Variants in ZNF469 observed in about 807,000 individuals in gnomAD.
ZNF469 encodes the protein zinc finger protein 469.
In ZNF469, 1 loss-of-function variant was observed where a neutral mutation model predicts 1.0. The ratio of observed to expected loss-of-function variants is 1.00; its 90% CI spans 0.35 to 4.73. The LOEUF (loss-of-function observed/expected upper bound fraction) is 4.73. Ranked by LOEUF, ZNF469 falls within the 30% of genes most tolerant of loss-of-function variation. The probability of loss-of-function intolerance (pLI) is 0.16; values close to 1 mark genes in which losing one functional copy is unlikely to be tolerated. For missense variants in ZNF469, 6,100 were observed against 5,356.3 expected (o/e 1.14, Z -4.33); for synonymous variants, 2,703 against 2,363.4 (o/e 1.14, Z -4.17).
the ZNF469 span, among the ~76,000 whole-genome samples, chr16:88,124,059 T>G: frequency 6.6e-6 from 1 of 152,240 alleles, no homozygotes; most frequent in East Asian, 1.9e-4. Context: ...TGCCTCGGCC[T>G]CCCAAAGTGC....
the ZNF469 span, among the ~76,000 whole-genome samples, chr16:88,203,048 G>C: frequency 3.2e-4 from 49 of 152,308 alleles, no homozygotes; most frequent in African/African-American, 1.2e-3. Flanking sequence ...ATCGGAGCGG[G>C]GGCGGGGGCC....
the ZNF469 span, among the ~76,000 whole-genome samples, chr16:88,105,282 C>A: frequency 6.9e-6 from 1 of 144,738 alleles, no homozygotes; most frequent in Non-Finnish European, 1.5e-5. Flanking sequence ...ACACATACAG[C>A]ATTTTCTTTT....
chr16:88,363,832 CGTT>C, the ZNF469 span, among the ~76,000 whole-genome samples: 2 of 152,272 alleles, frequency 1.3e-5, no homozygotes, highest in South Asian at 4.1e-4. Context: ...ACCTCTGAGT[CGTT>C]GTTTTCTGGT....
At chr16:88,104,148 G>A in the ZNF469 span, among the ~76,000 whole-genome samples, 2 of 151,760 alleles carry the variant, frequency 1.3e-5, no homozygotes. Context: ...CATCAGAGAG[G>A]TTAAGACACT....
chr16:88,180,122 C>T, the ZNF469 span, among the ~76,000 whole-genome samples: 1 of 75,110 alleles, frequency 1.3e-5, no homozygotes, highest in East Asian at 3.4e-4. Context: ...TTGGCTTTCA[C>T]TTTAAAAAAA....
the ZNF469 span, among the ~76,000 whole-genome samples, chr16:88,185,972 C>T: frequency 2.6e-5 from 4 of 151,470 alleles, no homozygotes; most frequent in African/African-American, 7.3e-5. Context: ...CATACACACT[C>T]GTGCCCAGAC....
chr16:88,256,803 A>T, the ZNF469 span, among the ~76,000 whole-genome samples: 146 of 151,814 alleles, frequency 9.6e-4, no homozygotes, highest in African/African-American at 3.4e-3. Context: ...TTCCCTGATG[A>T]CATGTGTGGT....
rs1448760217 is a variant in ZNF469, at chr16:88,432,104, A to G, written c.4634A>G (p.Lys1545Arg). ...VPGAAPSLPG[K>R]GSGCSVALMS... ...GGCGCCGCCCCATCTTTGCCTGGGAAGGGGAGTGGATGTAGCGTTGCTCTT... is the reference window on the plus strand; with the variant it reads ...GGCGCCGCCCCATCTTTGCCTGGGAGGGGGAGTGGATGTAGCGTTGCTCTT... The change falls in exon 3 of 3, where the codon AAG becomes AGG. Residue 1545 changes from lysine to arginine, a missense_variant. Coordinates refer to ENST00000565624, the MANE Select transcript of ZNF469 (RefSeq NM_001367624.2). 6.4e-7 allele frequency: 1 copy of G among 1,550,450 alleles called. No individual in the cohort carries two copies. Among genetic ancestry groups the G allele is most frequent in the East Asian group, 2.4e-5 (1 of 40,908 alleles).
At chr16:88,304,508 C>T in the ZNF469 span, among the ~76,000 whole-genome samples, 1,477 of 152,270 alleles carry the variant, frequency 9.7e-3, 14 homozygotes, top group Non-Finnish European at 0.017. Flanking sequence ...TGGTGACAGA[C>T]TCACCCAGTC....
the ZNF469 span, among the ~76,000 whole-genome samples, chr16:88,297,774 C>G: frequency 1.3e-5 from 2 of 152,192 alleles, no homozygotes; most frequent in Non-Finnish European, 2.9e-5. Context: ...CATCTCGTCT[C>G]CAGAACCTTC....
chr16:88,128,618 C>T, the ZNF469 span, among the ~76,000 whole-genome samples: 11 of 152,220 alleles, frequency 7.2e-5, no homozygotes, highest in South Asian at 6.2e-4. Context: ...GACCCCCTCC[C>T]GCAGAGGCAG....
the ZNF469 span, among the ~76,000 whole-genome samples, chr16:88,122,364 A>G: frequency 1.4e-5 from 2 of 144,912 alleles, no homozygotes; most frequent in Non-Finnish European, 3.0e-5. Context: ...TCCATCACCC[A>G]CTATGGCCAC....
the ZNF469 span, among the ~76,000 whole-genome samples, chr16:88,261,157 G>C: frequency 1.3e-5 from 2 of 152,240 alleles, no homozygotes; most frequent in African/African-American, 4.8e-5. This position sits in a 1 kb window ranked among gnomAD's most constrained non-coding sequence, Gnocchi z 6.0. Context: ...TGGTGGGCGG[G>C]ACACAGGTGG....
the ZNF469 span, among the ~76,000 whole-genome samples, chr16:88,205,617 G>C: frequency 6.6e-6 from 1 of 152,196 alleles, no homozygotes; most frequent in Non-Finnish European, 1.5e-5. The surrounding 1 kb of genome is among the most constrained non-coding windows in gnomAD (Gnocchi z 4.2). Context: ...AGCAAAGAGA[G>C]GGCCTGGGGC....
chr16:88,134,320 C>G, the ZNF469 span, among the ~76,000 whole-genome samples: 1 of 152,110 alleles, frequency 6.6e-6, no homozygotes, highest in African/African-American at 2.4e-5. Flanking sequence ...GTTGTACTCA[C>G]TCTTTGGGCA....
chr16:88,353,487 C>T, the ZNF469 span, among the ~76,000 whole-genome samples: 1 of 152,216 alleles, frequency 6.6e-6, no homozygotes, highest in East Asian at 1.9e-4. Context: ...GAGCCACCAG[C>T]GGCTTCCTGC....
At chr16:88,248,640 A>C in the ZNF469 span, among the ~76,000 whole-genome samples, 1 of 152,238 alleles carries the variant, frequency 6.6e-6, no homozygotes, top group Non-Finnish European at 1.5e-5. Flanking sequence ...TTATAACATT[A>C]AATAAAAGAG....
chr16:88,143,360 T>C, the ZNF469 span, among the ~76,000 whole-genome samples: 1 of 151,962 alleles, frequency 6.6e-6, no homozygotes, highest in Non-Finnish European at 1.5e-5. Context: ...CAGAGCGGGG[T>C]GGAGCGCCTA....
At chr16:88,389,262 C>T (rs555908318) in intron 1 of ZNF469, among the ~76,000 whole-genome samples, 4 of 152,376 alleles carry the variant, frequency 2.6e-5, no homozygotes, top group East Asian at 3.9e-4. Context: ...TCCTACATCC[C>T]GCTCGTTTGT....
Sources: gnomAD v4.1 joint callset for allele counts (sites outside exome capture counted in the v4.1 genomes callset) on GRCh38, gnomAD v4.1.1 for gene constraint, Gnocchi (gnomAD v3.1) non-coding constraint, MANE v1.5 for transcripts, NCBI Gene and HGNC (gene_info 2026-07-23, HGNC 2026-07-21) for gene names.